The following MMD2 variants were observed in gnomAD, a reference collection of about 807,000 sequenced individuals.
MMD2 encodes monocyte to macrophage differentiation factor 2.
Under a neutral mutation model 33.5 loss-of-function variants are expected in MMD2, and 30 were observed. The ratio of observed to expected loss-of-function variants is 0.90; its 90% CI spans 0.67 to 1.22. MMD2 has a LOEUF of 1.22. Ranked by LOEUF, MMD2 falls within the 50% of genes most tolerant of loss-of-function variation. The pLI is 0.00. For missense variants in MMD2, 364 were observed against 325.4 expected, an observed-to-expected ratio of 1.12 and a Z score of -0.91; for synonymous variants, 129 against 123.0, an observed-to-expected ratio of 1.05 and a Z score of -0.32.
At chr7:4,917,822 C>A (rs1038753031) in intron 3 of MMD2, among the ~76,000 whole-genome samples, 1 of 152,166 alleles carries the variant, frequency 6.6e-6, no homozygotes, top group East Asian at 1.9e-4. Flanking sequence ...CCAGCCTCCA[C>A]AATGGTGCCA....
In MMD2 at chr7:4,946,201, A is replaced by ACACGCATGCACCCACATG. The variant is rs1441596757; in HGVS notation, c.47+12769_47+12770insCATGTGGGTGCATGCGTG. Among the ~76,000 whole-genome samples, 7 of 150,870 alleles carry ACACGCATGCACCCACATG rather than the reference A, an allele frequency of 4.6e-5. No homozygotes were observed. The highest frequency in any genetic ancestry group is 1.0e-4 in the Non-Finnish European group (7 of 67,654). On this transcript the variant is annotated intron_variant, in intron 1 of 6. Transcript: ENST00000401401. This position sits in a 1 kb window ranked among gnomAD's most constrained non-coding sequence, Gnocchi z 5.0. ...CACACACACGCGCGCACACCCACAC[A>ACACGCATGCACCCACATG]CACGCATGCACACACATGCACACAT...
chr7:4,934,032 C>A (rs924207867), intron 1 of MMD2, among the ~76,000 whole-genome samples: 1 of 148,712 alleles, frequency 6.7e-6, no homozygotes, highest in African/African-American at 2.5e-5. Context: ...CATGTTCAAG[C>A]AATTCTCCTG....
intron 2 of MMD2, 55 bp from the exon 3 acceptor site, chr7:4,920,386 A>C (rs908144527): frequency 1.9e-6 from 3 of 1,555,100 alleles, no homozygotes; most frequent in African/African-American, 1.4e-5. Context: ...CTCAGAGCAC[A>C]CCTCCTGCCC....
intron 1 of MMD2, among the ~76,000 whole-genome samples, chr7:4,952,675 G>A (rs62441548): frequency 0.1 from 15,304 of 145,962 alleles, 1,040 homozygotes; most frequent in East Asian, 0.34. Flanking sequence ...TCTCGGTTGC[G>A]TGCTCCGTAT....
At chr7:4,914,200 C>G (rs1005100659) in intron 4 of MMD2, among the ~76,000 whole-genome samples, 1 of 152,132 alleles carries the variant, frequency 6.6e-6, no homozygotes, top group Non-Finnish European at 1.5e-5. Flanking sequence ...TTCTTTCATG[C>G]GTGACCATGG....
At position 4,946,311 on chromosome 7, in the gene MMD2, A is replaced by C. The variant is rs2115152087; in HGVS notation, c.47+12660T>G. Among the ~76,000 whole-genome samples, 1 of 152,306 alleles carries C rather than the reference A, an allele frequency of 6.6e-6. No homozygotes were observed. The highest frequency in any genetic ancestry group is 1.9e-4 in the East Asian group (1 of 5,180). ...GAAACACCATCCCCGCATCCTAAGAATAGCCATGCTCCAAACATGGACGGA... is the reference window on the plus strand; with the variant it reads ...GAAACACCATCCCCGCATCCTAAGACTAGCCATGCTCCAAACATGGACGGA... On this transcript the variant is annotated intron_variant, in intron 1 of 6. Transcript: ENST00000401401. The surrounding 1 kb of genome is among the most constrained non-coding windows in gnomAD (Gnocchi z 5.0).
At position 4,919,503 on chromosome 7, in the gene MMD2, G is replaced by A. The variant is rs778369708; in HGVS notation, c.290+668C>T. ...GAGGTGCTTGAGCCCTGGAGGTGGA[G>A]GCTACAGTGAGCTGAGACTGTACCA... is the stretch of plus-strand genomic sequence containing the variant. On this transcript the variant is annotated intron_variant, in intron 3 of 6. Coordinates refer to ENST00000401401, the MANE Select transcript of MMD2 (RefSeq NM_198403.4). Among the ~76,000 whole-genome samples, 5 of 152,144 alleles carry A rather than the reference G, an allele frequency of 3.3e-5. No homozygotes were observed. The East Asian group carries it at 9.6e-4, about 29-fold the overall frequency.
At chr7:4,909,725 G>A in intron 6 of MMD2, 156 bp downstream of exon 6, 7 of 980,102 alleles carry the variant, frequency 7.1e-6, no homozygotes, top group African/African-American at 1.6e-5. Context: ...ATGAGCCACT[G>A]TACCTGGCCT....
At chr7:4,900,340 G>A in the MMD2 span, among the ~76,000 whole-genome samples, 1 of 152,152 alleles carries the variant, frequency 6.6e-6, no homozygotes, top group Non-Finnish European at 1.5e-5. Context: ...GGATGTGAAT[G>A]TGTGCACGTT....
At chr7:4,916,128 GGGC>G in intron 3 of MMD2, 49 bp from the exon 4 acceptor site, 1 of 1,559,356 alleles carries the variant, frequency 6.4e-7, no homozygotes, top group Non-Finnish European at 8.8e-7. Context: ...CAGCAGGGAA[GGGC>G]CAGTGCCCCC....
chr7:4,945,182 C>CT (rs1193706192), intron 1 of MMD2, among the ~76,000 whole-genome samples: 2 of 123,382 alleles, frequency 1.6e-5, no homozygotes, highest in East Asian at 2.5e-4. Flanking sequence ...CCTCCTCTTC[C>CT]TCTTTCTTCT....
At position 4,958,871 on chromosome 7, in the gene MMD2, G is replaced by T. The variant is rs1040170429; in HGVS notation, c.47+100C>A. The T allele has an allele frequency of 1.2e-5, 13 of 1,070,652 alleles. No homozygotes were observed. In the African/African-American group the frequency reaches 1.8e-4, roughly 15 times the overall value. 66.3% of individuals were successfully genotyped at this position (1,070,652 alleles called of 1,614,324 possible). A position where few individuals can be genotyped will look rare whatever the true frequency, so the allele number is the denominator to read the frequency against. On this transcript the variant is annotated intron_variant, in intron 1 of 6. Coordinates refer to ENST00000401401, the MANE Select transcript of MMD2 (RefSeq NM_198403.4). Reference sequence around the variant, plus strand: ...CAGGGGTCCGCCGATCCCCTCTAGCGCTCCGGGCGGCGGGGCCCGAGAACC... The same window carrying T: ...CAGGGGTCCGCCGATCCCCTCTAGCTCTCCGGGCGGCGGGGCCCGAGAACC...
rs73044291 is a variant in MMD2 at position 4,958,600 on chromosome 7, C to T, written c.47+371G>A. 8.6e-3 allele frequency among the ~76,000 whole-genome samples: 1,302 copies of T among 152,280 alleles called. 24 individuals are homozygous for T. The highest frequency in any genetic ancestry group is 8.7e-3 in the Non-Finnish European group (595 of 68,018). On this transcript the variant is annotated intron_variant, in intron 1 of 6. Coordinates refer to ENST00000401401, the MANE Select transcript of MMD2 (RefSeq NM_198403.4). ...CCAAGAGAGACCGAGCGTAACTGCCCGAGCGTAGCTGGCCTGGGCTCCAGG... is the reference window on the plus strand; with the variant it reads ...CCAAGAGAGACCGAGCGTAACTGCCTGAGCGTAGCTGGCCTGGGCTCCAGG...
chr7:4,940,655 G>A lies in MMD2; in HGVS notation c.48-15123C>T, dbSNP rs1785883243. Among the ~76,000 whole-genome samples, 1 of 152,206 alleles carries A rather than the reference G, an allele frequency of 6.6e-6. No homozygotes were observed. Among genetic ancestry groups the A allele is most frequent in the Admixed American group, 6.5e-5 (1 of 15,280 alleles). On this transcript the variant is annotated intron_variant, in intron 1 of 6. Transcript: ENST00000401401. This position sits in a 1 kb window ranked among gnomAD's most constrained non-coding sequence, Gnocchi z 5.0. ...CGGCGGTATCTTGGCTCAGTCTTTG[G>A]GAAACAGTCCTTGGGCCGGTGCCAC...
At chr7:4,949,093 C>G (rs1411118995) in intron 1 of MMD2, among the ~76,000 whole-genome samples, 1 of 152,012 alleles carries the variant, frequency 6.6e-6, no homozygotes, top group Non-Finnish European at 1.5e-5. Flanking sequence ...ACCTATAACC[C>G]CAGCTACTCG....
chr7:4,955,050 C>T (rs1201747171), intron 1 of MMD2, among the ~76,000 whole-genome samples: 1 of 152,176 alleles, frequency 6.6e-6, no homozygotes. Context: ...GAGATGGGAT[C>T]TTGCTATGTT....
chr7:4,922,770 C>A (rs1370706938), intron 2 of MMD2, among the ~76,000 whole-genome samples: 5 of 152,036 alleles, frequency 3.3e-5, no homozygotes, highest in Non-Finnish European at 4.4e-5. Flanking sequence ...GATCACCTAC[C>A]ATGCCTAGTA....
chr7:4,907,512 G>T lies in MMD2; in HGVS notation c.625C>A (p.Pro209Thr), dbSNP rs1182663956. The change falls in exon 7 of 7, where the codon CCC becomes ACC. Residue 209 changes from proline to threonine, a missense_variant. Coordinates refer to ENST00000401401, the MANE Select transcript of MMD2 (RefSeq NM_198403.4). ...MVFFKSDGRIPFAHAIWHLFV... is the reference protein window; with the variant it reads ...MVFFKSDGRITFAHAIWHLFV... ...AGATGCCAGATGGCGTGGGCAAAGG[G>T]GATCCTCCCGTCACTCTTGAAGAAG... 6.2e-7 allele frequency: 1 copy of T among 1,613,882 alleles called. No homozygotes were observed. Among genetic ancestry groups the T allele is most frequent in the East Asian group, 2.2e-5 (1 of 44,874 alleles).
At chr7:4,945,243 T>TTC (rs759788839) in intron 1 of MMD2, among the ~76,000 whole-genome samples, 6 of 144,706 alleles carry the variant, frequency 4.1e-5, no homozygotes, top group African/African-American at 1.5e-4. Flanking sequence ...CTTCTTCCTC[T>TTC]CTCTCTTTCT....
Sources: gnomAD v4.1 joint callset for allele counts (sites outside exome capture counted in the v4.1 genomes callset) on GRCh38, gnomAD v4.1.1 for gene constraint, Gnocchi (gnomAD v3.1) non-coding constraint, MANE v1.5 for transcripts, NCBI Gene and HGNC (gene_info 2026-07-23, HGNC 2026-07-21) for gene names.